The following SIK3 variants were observed in gnomAD, a reference collection of about 807,000 sequenced individuals.
The protein encoded by SIK3 is serine/threonine-protein kinase SIK3.
In SIK3, 28 loss-of-function variants were observed where a neutral mutation model predicts 144.2. The observed-to-expected ratio is 0.19, with a 90% CI of 0.14 to 0.27. The LOEUF (loss-of-function observed/expected upper bound fraction) is 0.27, where lower values mean the gene tolerates loss of function less well. Ranked by LOEUF, SIK3 falls within the 10% of genes least tolerant of loss-of-function variation. The pLI is 1.00. For synonymous variants in SIK3, 686 were observed against 676.3 expected (o/e 1.01, Z -0.22); for missense variants, 1,319 against 1,776.0 (o/e 0.74, Z 4.62).
At position 116,874,038 on chromosome 11, in the gene SIK3, A is replaced by G; in HGVS notation, c.1446T>C (p.Asp482=). Residue 482 remains aspartate (D), a synonymous_variant, in exon 12 of 25, where the codon GAT becomes GAC. Coordinates refer to ENST00000445177, the MANE Select transcript of SIK3 (RefSeq NM_001366686.3). ...VADPRTEVME[D]LQKLLPGFPG... ...GAAAGCCAGGTAGGAGCTTCTGCAG[A>G]TCTTCCATAACTTCCGTGCTGATAC... The G allele has an allele frequency of 6.2e-7, 1 of 1,613,950 alleles. No individual in the cohort carries two copies. The highest frequency in any genetic ancestry group is 8.5e-7 in the Non-Finnish European group (1 of 1,179,956).
chr11:117,007,855 G>A (rs954736283), intron 1 of SIK3, among the ~76,000 whole-genome samples: 3 of 151,916 alleles, frequency 2.0e-5, no homozygotes, highest in South Asian at 4.2e-4. Flanking sequence ...AGGCTGAGGC[G>A]AGTAGATCAC....
At chr11:117,081,573 G>A (rs575356955) in intron 1 of SIK3, among the ~76,000 whole-genome samples, 43 of 152,260 alleles carry the variant, frequency 2.8e-4, no homozygotes, top group Admixed American at 2.4e-3. Flanking sequence ...GCAGTGAGCC[G>A]AGATGGCGCC....
intron 14 of SIK3, chr11:116,869,001 G>T (rs930675834): frequency 6.6e-6 from 1 of 152,120 alleles, no homozygotes; most frequent in Non-Finnish European, 1.5e-5. Flanking sequence ...TTGGTCTAAA[G>T]AAGAAAGAAG....
chr11:117,065,222 A>G (rs919498110), intron 1 of SIK3, among the ~76,000 whole-genome samples: 1 of 151,568 alleles, frequency 6.6e-6, no homozygotes, highest in Non-Finnish European at 1.5e-5. Flanking sequence ...TACCCAACAT[A>G]AAATGAGACG....
chr11:116,936,999 C>T (rs1298801957), intron 3 of SIK3, among the ~76,000 whole-genome samples: 3 of 152,204 alleles, frequency 2.0e-5, no homozygotes, highest in African/African-American at 7.2e-5. Flanking sequence ...CCCTAACCTA[C>T]TCACCCGCCC....
At chr11:116,958,077 T>A (rs1242170627) in intron 1 of SIK3, among the ~76,000 whole-genome samples, 5 of 152,206 alleles carry the variant, frequency 3.3e-5, no homozygotes, top group Non-Finnish European at 7.3e-5. Context: ...GTAATCAGTA[T>A]GGAAGCAATA....
rs554114563 is a variant in SIK3 at position 116,985,181 on chromosome 11, T to C, written c.274-28117A>G. 3.9e-5 allele frequency among the ~76,000 whole-genome samples: 6 copies of C among 152,322 alleles called. No homozygotes were observed. The East Asian group carries it at 1.2e-3, about 29-fold the overall frequency. On this transcript the variant is annotated intron_variant, in intron 1 of 24. Transcript: ENST00000445177. ...AGACAGACAATAGGGCATGGAGAAT[T>C]CATTTAGCCTAATGAGATGTTACCA...
chr11:116,861,783 G>T, intron 18 of SIK3, 58 bp downstream of exon 18: 2 of 1,209,278 alleles, frequency 1.7e-6, no homozygotes, highest in Non-Finnish European at 2.4e-6. Context: ...AGTGAGTCAA[G>T]CCAAGGGTAC....
rs772021626 is a variant in SIK3 at position 116,875,148 on chromosome 11, G to A, written c.1427+10C>T. 46 of 1,609,320 alleles carry A rather than the reference G, an allele frequency of 2.9e-5. No individual in the cohort carries two copies. The highest frequency in any genetic ancestry group is 3.5e-5 in the Non-Finnish European group (41 of 1,176,618). On this transcript the variant is annotated intron_variant, in intron 11 of 24. Transcript: ENST00000445177. Reference sequence around the variant, plus strand: ...CCAGTGTTAGTGAGGGCTGTTGGCCGGATACTCACCGTGGGTCAGCCACAC... The same window carrying A: ...CCAGTGTTAGTGAGGGCTGTTGGCCAGATACTCACCGTGGGTCAGCCACAC...
Position 116,847,468 on chromosome 11 carries a change from C to T in SIK3, c.3952+8G>A, listed in dbSNP as rs1254537022. 1 of 1,614,030 alleles carries T rather than the reference C, an allele frequency of 6.2e-7. No homozygotes were observed. The highest frequency in any genetic ancestry group is 1.3e-5 in the African/African-American group (1 of 74,918). On this transcript the variant is annotated splice_region_variant and intron_variant, in intron 23 of 24. Transcript: ENST00000445177. ...TCTCTGGAGTGCCCCATGCATAAGGCTCCTCACCCTCATTTTCCCCATCCT... is the reference window on the plus strand; with the variant it reads ...TCTCTGGAGTGCCCCATGCATAAGGTTCCTCACCCTCATTTTCCCCATCCT...
chr11:116,933,356 G>T lies in SIK3; in HGVS notation c.455-5976C>A, dbSNP rs944205913. On this transcript the variant is annotated intron_variant, in intron 3 of 24. Coordinates refer to ENST00000445177, the MANE Select transcript of SIK3 (RefSeq NM_001366686.3). The stretch of plus-strand genomic sequence containing the variant: ...GGGTTTCACCATATTGGCCAGGCTG[G>T]TCTCAAACTCCTGACCTCGTGCTCC... Among the ~76,000 whole-genome samples, 4 of 151,914 alleles carry T rather than the reference G, an allele frequency of 2.6e-5. 1 individual carries two copies. Among genetic ancestry groups the T allele is most frequent in the Admixed American group, 2.6e-4 (4 of 15,254 alleles).
intron 4 of SIK3, among the ~76,000 whole-genome samples, chr11:116,926,696 C>G (rs1034410236): frequency 6.6e-6 from 1 of 152,150 alleles, no homozygotes; most frequent in Non-Finnish European, 1.5e-5. Flanking sequence ...TCCCTTCTTT[C>G]TCCCCAGCCT....
At chr11:116,904,167 A>G (rs1945891283) in intron 4 of SIK3, among the ~76,000 whole-genome samples, 1 of 152,148 alleles carries the variant, frequency 6.6e-6, no homozygotes, top group Non-Finnish European at 1.5e-5. Flanking sequence ...ACATAGTTCT[A>G]GGGAAAGGCT....
At chr11:117,031,599 G>A (rs1415790811) in intron 1 of SIK3, among the ~76,000 whole-genome samples, 1 of 150,068 alleles carries the variant, frequency 6.7e-6, no homozygotes, top group Non-Finnish European at 1.5e-5. Flanking sequence ...TTGGCTCACT[G>A]CAACCTCCAC....
intron 4 of SIK3, among the ~76,000 whole-genome samples, chr11:116,915,153 T>TGTGCGCGC (rs1555093370): frequency 6.7e-6 from 1 of 149,096 alleles, no homozygotes; most frequent in African/African-American, 2.5e-5. Context: ...TGTGTGTGTG[T>TGTGCGCGC]GTGTGTGTAT....
In SIK3 at chr11:116,897,180, G is replaced by A; in HGVS notation, c.741+13C>T. ...GCTAATGCTGTGGGGTATAAGAGAA[G>A]GCAGTTACTTACCCAGATGTCCACT... is the stretch of plus-strand genomic sequence containing the variant. On this transcript the variant is annotated intron_variant, in intron 5 of 24. Coordinates refer to ENST00000445177, the MANE Select transcript of SIK3 (RefSeq NM_001366686.3). 1 of 1,613,340 alleles carries A rather than the reference G, an allele frequency of 6.2e-7. No homozygotes were observed. The highest frequency in any genetic ancestry group is 8.5e-7 in the Non-Finnish European group (1 of 1,179,608).
Position 116,849,199 on chromosome 11 carries a change from G to A in SIK3, c.3740C>T (p.Ala1247Val), listed in dbSNP as rs1942231634. 1 of 1,614,030 alleles carries A rather than the reference G, an allele frequency of 6.2e-7. No homozygotes were observed. The highest frequency in any genetic ancestry group is 8.5e-7 in the Non-Finnish European group (1 of 1,180,012). The change falls in exon 22 of 25, where the codon GCA becomes GTA. Residue 1247 changes from alanine to valine, a missense_variant. Around this residue, in one of 8 missense-constraint regions of SIK3, gnomAD observed 646 missense variants for 763.7 expected, o/e 0.85. Transcript: ENST00000445177. This position sits in a 1 kb window ranked among gnomAD's most constrained non-coding sequence, Gnocchi z 4.2. ...LPDHNGLGYP[A>V]RPSVHEHHRP... ...GTGGTGCTCATGGACGGAGGGGCGT[G>A]CTGGGTACCCGAGCCCATTGTGATC...
chr11:117,023,609 C>CAAACAAA (rs1377928104), intron 1 of SIK3, among the ~76,000 whole-genome samples: 2 of 51,990 alleles, frequency 3.8e-5, no homozygotes, highest in Admixed American at 2.1e-4. Context: ...AACAAACAAA[C>CAAACAAA]AAAAAAAAAA....
chr11:116,959,558 G>A (rs960836011), intron 1 of SIK3, among the ~76,000 whole-genome samples: 4 of 152,162 alleles, frequency 2.6e-5, no homozygotes, highest in African/African-American at 4.8e-5. Flanking sequence ...GGAAAAGCGG[G>A]TGACCTTCAG....
Sources: allele counts gnomAD v4.1 joint callset (sites outside exome capture counted in the v4.1 genomes callset), GRCh38; gene constraint gnomAD v4.1.1; regional missense constraint gnomAD v4.1.1; non-coding constraint Gnocchi (gnomAD v3.1); transcripts MANE v1.5; gene names NCBI Gene and HGNC (gene_info 2026-07-23, HGNC 2026-07-21).